TXLNB: variants seen among roughly 807,000 people sequenced by gnomAD.
The protein encoded by TXLNB is beta-taxilin.
A neutral mutation model predicts 57.4 loss-of-function variants in TXLNB; 37 were observed. That is an observed-to-expected ratio of 0.64 (90% CI 0.50 to 0.85). The LOEUF is 0.85. Ranked by LOEUF, TXLNB falls within the 40% of genes least tolerant of loss-of-function variation. The pLI is 0.00. For missense variants in TXLNB, 848 were observed against 825.6 expected, an observed-to-expected ratio of 1.03 and a Z score of -0.33; for synonymous variants, 302 against 309.6, an observed-to-expected ratio of 0.98 and a Z score of 0.26.
intron 5 of TXLNB, among the ~76,000 whole-genome samples, 174 bp from the exon 6 acceptor site, chr6:139,260,611 C>T (rs1355549184): frequency 1.3e-5 from 2 of 152,014 alleles, no homozygotes; most frequent in African/African-American, 4.8e-5. Context: ...ATTGGTGAAC[C>T]CCTCCCCCTG....
chr6:139,213,013 C>A, the TXLNB span, among the ~76,000 whole-genome samples: 1 of 152,180 alleles, frequency 6.6e-6, no homozygotes, highest in Non-Finnish European at 1.5e-5. Context: ...GACTTAGACT[C>A]CCACACAATA....
the TXLNB span, among the ~76,000 whole-genome samples, chr6:139,200,322 C>T: frequency 0.05 from 7,627 of 152,126 alleles, 207 homozygotes; most frequent in African/African-American, 0.063. Context: ...TTGGTGTCTA[C>T]GATCTAGGCT....
chr6:139,230,782 C>A, the TXLNB span, among the ~76,000 whole-genome samples: 1 of 152,128 alleles, frequency 6.6e-6, no homozygotes, highest in African/African-American at 2.4e-5. Context: ...AAAAAGTGAG[C>A]CTTGTGACAT....
At chr6:139,275,553 A>T (rs1342969184) in intron 3 of TXLNB, among the ~76,000 whole-genome samples, 1 of 152,230 alleles carries the variant, frequency 6.6e-6, no homozygotes, top group Non-Finnish European at 1.5e-5. Context: ...AAAATAATTT[A>T]AAAATACTGT....
intron 6 of TXLNB, among the ~76,000 whole-genome samples, chr6:139,257,084 T>C (rs1329287457): frequency 6.6e-6 from 1 of 152,220 alleles, no homozygotes; most frequent in Non-Finnish European, 1.5e-5. Context: ...GGTCTTTGTT[T>C]TGGGTATGGA....
intron 2 of TXLNB, among the ~76,000 whole-genome samples, chr6:139,284,465 T>G (rs1422468177): frequency 1.4e-5 from 2 of 144,512 alleles, no homozygotes; most frequent in Non-Finnish European, 3.1e-5. Flanking sequence ...GAGCTGGAGG[T>G]TGTAGTGAGC....
chr6:139,226,743 T>C, the TXLNB span, among the ~76,000 whole-genome samples: 2 of 152,076 alleles, frequency 1.3e-5, no homozygotes, highest in African/African-American at 4.8e-5. Context: ...AAAACTACAA[T>C]GAGGGTCAGG....
intron 3 of TXLNB, among the ~76,000 whole-genome samples, chr6:139,273,255 A>T (rs1260068493): frequency 6.6e-6 from 1 of 152,180 alleles, no homozygotes; most frequent in Middle Eastern, 3.2e-3. Context: ...ATATGCCAGT[A>T]GCACTGCCCA....
chr6:139,194,766 C>G, the TXLNB span, among the ~76,000 whole-genome samples: 1 of 152,314 alleles, frequency 6.6e-6, no homozygotes, highest in East Asian at 1.9e-4. Flanking sequence ...AAGTCAAAAT[C>G]CTTGAAATGG....
intron 6 of TXLNB, among the ~76,000 whole-genome samples, chr6:139,256,057 G>T (rs1273173351): frequency 6.6e-6 from 1 of 152,026 alleles, no homozygotes; most frequent in African/African-American, 2.4e-5. Flanking sequence ...ACTCTAGCCT[G>T]GGCAATAGAG....
the TXLNB span, among the ~76,000 whole-genome samples, chr6:139,186,855 G>C: frequency 6.6e-6 from 1 of 152,170 alleles, no homozygotes; most frequent in Non-Finnish European, 1.5e-5. Context: ...AGAAGCCAGA[G>C]AAAAAGACTA....
the TXLNB span, among the ~76,000 whole-genome samples, chr6:139,225,290 C>A: frequency 0.68 from 102,621 of 151,546 alleles, 35,837 homozygotes; most frequent in East Asian, 0.82. Context: ...CCCAGTATCA[C>A]CATAAACATT....
At position 139,242,730 on chromosome 6, in the gene TXLNB, A is replaced by C. The variant is rs747558016; in HGVS notation, c.1851T>G (p.Ala617=). 127 of 1,594,234 alleles carry C rather than the reference A, an allele frequency of 8.0e-5. No individual in the cohort carries two copies. The highest frequency in any genetic ancestry group is 1.0e-4 in the Non-Finnish European group (117 of 1,171,998). The change falls in exon 10 of 10, where the codon GCT becomes GCG. Residue 617 remains alanine (A), a synonymous_variant. Transcript: ENST00000358430. ...EAEASGQAPQ[A]PTEASLQKME... ...TCTTCTGTAGGGAGGCCTCGGTGGGAGCCTGTGGGGCCTGACCGGAAGCTT... is the reference window on the plus strand; with the variant it reads ...TCTTCTGTAGGGAGGCCTCGGTGGGCGCCTGTGGGGCCTGACCGGAAGCTT...
the TXLNB span, among the ~76,000 whole-genome samples, chr6:139,191,578 A>AT: frequency 1.1e-4 from 17 of 152,140 alleles, no homozygotes; most frequent in African/African-American, 4.1e-4. Context: ...GCTGGGCTAG[A>AT]TTTTTTTCAC....
chr6:139,198,796 A>G, the TXLNB span, among the ~76,000 whole-genome samples: 1 of 152,120 alleles, frequency 6.6e-6, no homozygotes, highest in African/African-American at 2.4e-5. Context: ...GATGGGCTCC[A>G]TTCACACCAT....
the TXLNB span, among the ~76,000 whole-genome samples, chr6:139,181,323 C>T: frequency 6.6e-6 from 1 of 152,218 alleles, no homozygotes; most frequent in African/African-American, 2.4e-5. Context: ...CATGGTCACC[C>T]TAAATGGAAA....
chr6:139,317,548 C>T, the TXLNB span, among the ~76,000 whole-genome samples: 7 of 151,912 alleles, frequency 4.6e-5, no homozygotes, highest in East Asian at 7.8e-4. Context: ...TACAGGCGCC[C>T]GCCACCACGC....
the TXLNB span, among the ~76,000 whole-genome samples, chr6:139,163,646 G>A: frequency 2.6e-5 from 4 of 152,128 alleles, no homozygotes; most frequent in Non-Finnish European, 5.9e-5. Flanking sequence ...GAGCCACTGC[G>A]CTGTCCCCTG....
At chr6:139,288,379 C>T (rs2114640575) in intron 2 of TXLNB, 97 bp downstream of exon 2, 1 of 1,200,374 alleles carries the variant, frequency 8.3e-7, no homozygotes, top group East Asian at 2.3e-5. Context: ...TACAGTCATC[C>T]AAATATTGGA....
Sources: allele counts gnomAD v4.1 joint callset (sites outside exome capture counted in the v4.1 genomes callset), GRCh38; gene constraint gnomAD v4.1.1; transcripts MANE v1.5; gene names NCBI Gene and HGNC (gene_info 2026-07-23, HGNC 2026-07-21).